The following DDX6 variants were observed in gnomAD, a reference collection of about 807,000 sequenced individuals.
DDX6 encodes DEAD-box helicase 6, also known as probable ATP-dependent RNA helicase DDX6.
DDX6 carries 7 observed loss-of-function variants against 60.6 expected under a neutral mutation model. The observed-to-expected ratio is 0.12, with a 90% CI of 0.07 to 0.22. The LOEUF (loss-of-function observed/expected upper bound fraction) is 0.22, where lower values mean the gene tolerates loss of function less well. DDX6 is among the 10% of genes least tolerant of loss of function. The pLI, the probability that DDX6 is intolerant of heterozygous loss-of-function variation, is 1.00. For missense variants in DDX6, 270 were observed against 589.9 expected, an observed-to-expected ratio of 0.46 and a Z score of 5.62; for synonymous variants, 207 against 201.0, an observed-to-expected ratio of 1.03 and a Z score of -0.25.
chr11:118,768,395 A>G, intron 4 of DDX6, 43 bp from the exon 5 acceptor site: 1 of 1,603,186 alleles, frequency 6.2e-7, no homozygotes, highest in Non-Finnish European at 8.5e-7. Flanking sequence ...TGAATGTAGT[A>G]CACAAGCAAA....
intron 2 of DDX6, among the ~76,000 whole-genome samples, chr11:118,782,657 T>C (rs1280061482): frequency 5.9e-5 from 9 of 151,976 alleles, no homozygotes; most frequent in African/African-American, 2.2e-4. Context: ...TTTTTTTTTT[T>C]TTCTGAGATG....
chr11:118,755,492 G>A lies in DDX6; in HGVS notation c.1186C>T (p.Arg396Ter), dbSNP rs1555158525. The A allele has an allele frequency of 1.9e-6, 3 of 1,585,688 alleles. No individual in the cohort carries two copies. The highest frequency in any genetic ancestry group is 8.6e-7 in the Non-Finnish European group (1 of 1,158,164). ...RNLVCTDLFT[R>*]GIDIQAVNVV... is the part of the protein sequence containing the mutation. Reference sequence around the variant, plus strand: ...TTCACAGCTTGTATATCAATACCTCGGGTAAACAGATCTTAAAAAAAAAAA... The same window carrying A: ...TTCACAGCTTGTATATCAATACCTCAGGTAAACAGATCTTAAAAAAAAAAA... The change falls in exon 12 of 14, where the codon CGA becomes TGA. Residue 396 changes from arginine (R) to a stop codon, truncating the protein, a stop_gained. Coordinates refer to ENST00000534980, the MANE Select transcript of DDX6 (RefSeq NM_004397.6). LOFTEE classifies it high-confidence loss of function.
chr11:118,750,020 G>C lies in DDX6; in HGVS notation c.*2085C>G, dbSNP rs1014131207. ...TTGATCTCCAAGGAATTGTGGGTGA[G>C]TCGCAAATAGTTTGCTCAGAAGTAG... On this transcript the variant is annotated 3_prime_UTR_variant, in exon 14 of 14. Transcript: ENST00000534980. 3.3e-5 allele frequency: 5 copies of C among 152,596 alleles called. No homozygotes were observed. Among genetic ancestry groups the C allele is most frequent in the Admixed American group, 6.5e-5 (1 of 15,268 alleles). The allele number at this position is 152,596 out of a possible 1,614,324, so 9.5% of individuals were successfully genotyped here.
intron 4 of DDX6, among the ~76,000 whole-genome samples, chr11:118,777,467 C>A (rs1381637268): frequency 6.6e-6 from 1 of 152,132 alleles, no homozygotes; most frequent in Non-Finnish European, 1.5e-5. Flanking sequence ...GACCAAGTAG[C>A]AAACAGGGTA....
intron 13 of DDX6, among the ~76,000 whole-genome samples, chr11:118,752,786 T>C (rs889489034): frequency 6.6e-6 from 1 of 151,882 alleles, no homozygotes; most frequent in Admixed American, 6.6e-5. Flanking sequence ...TAGAGCCCAA[T>C]AGTCACCAAA....
intron 2 of DDX6, among the ~76,000 whole-genome samples, chr11:118,784,785 CTT>C (rs1429196410): frequency 1.3e-5 from 2 of 150,044 alleles, no homozygotes; most frequent in African/African-American, 4.9e-5. Context: ...GAGTTTCGCT[CTT>C]GTTGCCCAAG....
intron 4 of DDX6, among the ~76,000 whole-genome samples, chr11:118,776,476 G>A (rs1454176924): frequency 6.6e-6 from 1 of 152,084 alleles, no homozygotes; most frequent in Non-Finnish European, 1.5e-5. Context: ...ATAAGCACAG[G>A]CACTATGCTA....
rs1168420875 is a variant in DDX6, at chr11:118,749,165, C to T, written c.*2940G>A. 6.6e-6 allele frequency: 1 copy of T among 151,944 alleles called. No individual in the cohort carries two copies. The highest frequency in any genetic ancestry group is 1.5e-5 in the Non-Finnish European group (1 of 67,986). The allele number at this position is 151,944 out of a possible 1,614,324, so 9.4% of individuals were successfully genotyped here. A position where few individuals can be genotyped will look rare whatever the true frequency, so the allele number is the denominator to read the frequency against. On this transcript the variant is annotated 3_prime_UTR_variant, in exon 14 of 14. Transcript: ENST00000534980. ...GTGTGTAACAGTCCATAGCCCATTA[C>T]ACAACTGTACAACCAAAGGCTAAAT...
chr11:118,761,367 A>G (rs1329310416), intron 7 of DDX6, among the ~76,000 whole-genome samples: 1 of 152,254 alleles, frequency 6.6e-6, no homozygotes, highest in Non-Finnish European at 1.5e-5. Flanking sequence ...CTGTAATCCC[A>G]GCACTCTGGG....
chr11:118,754,717 G>T lies in DDX6; in HGVS notation c.1447C>A (p.Pro483Thr), dbSNP rs782468835. 1 of 1,605,930 alleles carries T rather than the reference G, an allele frequency of 6.2e-7. No individual in the cohort carries two copies. Among genetic ancestry groups the T allele is most frequent in the South Asian group, 1.1e-5 (1 of 89,004 alleles). ...GTCAGGGACGTACATGCTTGTTAAGGTTTCTCATCTTCTACAGGCTCGCTG... is the reference window on the plus strand; with the variant it reads ...GTCAGGGACGTACATGCTTGTTAAGTTTTCTCATCTTCTACAGGCTCGCTG... ...YHSEPVEDEKP is the reference protein window; with the variant it reads ...YHSEPVEDEKT The change falls in exon 13 of 14, where the codon CCT (proline) becomes ACT (threonine). Residue 483 changes from proline to threonine, a missense_variant. Around this residue, in one of 8 missense-constraint regions of DDX6, gnomAD observed 34 missense variants for 59.4 expected, o/e 0.57. Coordinates refer to ENST00000534980, the MANE Select transcript of DDX6 (RefSeq NM_004397.6).
At chr11:118,754,993 A>AGAAC in intron 12 of DDX6, 106 bp from the exon 13 acceptor site, 3 of 999,918 alleles carry the variant, frequency 3.0e-6, no homozygotes, top group Non-Finnish European at 4.3e-6. Flanking sequence ...AATGATGTTC[A>AGAAC]GTGCCATTCT....
intron 4 of DDX6, among the ~76,000 whole-genome samples, chr11:118,779,137 C>T (rs1331525152): frequency 9.7e-6 from 1 of 102,800 alleles, no homozygotes; most frequent in African/African-American, 4.0e-5. Context: ...GCCTGGGTGA[C>T]AGGGCAAGAC....
rs573856319 is a variant in DDX6, at chr11:118,776,854, A to G, written c.369+2778T>C. Among the ~76,000 whole-genome samples, 6 of 152,026 alleles carry G rather than the reference A, an allele frequency of 3.9e-5. No individual in the cohort carries two copies. The East Asian group carries it at 1.2e-3, about 29-fold the overall frequency. ...CTCAAAAAAAAAAAAAAGAAAGAAAAAAAAAGACTTCAGTGTAGATAAAAT... is the reference window on the plus strand; with the variant it reads ...CTCAAAAAAAAAAAAAAGAAAGAAAGAAAAAGACTTCAGTGTAGATAAAAT... On this transcript the variant is annotated intron_variant, in intron 4 of 13. Transcript: ENST00000534980.
Position 118,754,889 on chromosome 11 carries a change from T to TA in DDX6, c.1277-3dup. On this transcript the variant is annotated splice_region_variant and splice_polypyrimidine_tract_variant and intron_variant, in intron 12 of 13. Transcript: ENST00000534980. ...CTAAGCCAAGATGACCAAAGCGACC[T>TA]AAAAAACATGCGTTTAAAAATTTTA... 1 of 1,591,020 alleles carries TA rather than the reference T, an allele frequency of 6.3e-7. No homozygotes were observed. The highest frequency in any genetic ancestry group is 8.5e-7 in the Non-Finnish European group (1 of 1,173,852).
At chr11:118,785,508 CT>C (rs397938089) in intron 2 of DDX6, among the ~76,000 whole-genome samples, 738 of 142,666 alleles carry the variant, frequency 5.2e-3, no homozygotes, top group South Asian at 0.019. Flanking sequence ...AACCAGCCAA[CT>C]TTTTTTTTTT....
rs538001978 is a variant in DDX6 at position 118,754,894 on chromosome 11, A to C, written c.1277-7T>G. ...CCAAGATGACCAAAGCGACCTAAAAAACATGCGTTTAAAAATTTTAATGAA... is the reference window on the plus strand; with the variant it reads ...CCAAGATGACCAAAGCGACCTAAAACACATGCGTTTAAAAATTTTAATGAA... On this transcript the variant is annotated splice_polypyrimidine_tract_variant and splice_region_variant and intron_variant, in intron 12 of 13. Coordinates refer to ENST00000534980, the MANE Select transcript of DDX6 (RefSeq NM_004397.6). The C allele has an allele frequency of 1.6e-5, 25 of 1,589,804 alleles. No homozygotes were observed. In the East Asian group the frequency reaches 4.5e-4, roughly 28 times the overall value.
intron 4 of DDX6, among the ~76,000 whole-genome samples, chr11:118,771,187 T>A (rs1555162508): frequency 1.2e-4 from 19 of 152,328 alleles, no homozygotes; most frequent in Non-Finnish European, 1.5e-5. Flanking sequence ...AAAAGTAAGA[T>A]AGGTGGTCTC....
chr11:118,748,668 G>C lies in DDX6; in HGVS notation c.*3437C>G, dbSNP rs1860642658. ...TAAAGGCAGTTTCTGATGAGGTTAT[G>C]AGCTTCCAAAGTGTTTCTAAATCCT... On this transcript the variant is annotated 3_prime_UTR_variant, in exon 14 of 14. Coordinates refer to ENST00000534980, the MANE Select transcript of DDX6 (RefSeq NM_004397.6). 6.6e-6 allele frequency: 1 copy of C among 151,958 alleles called. No homozygotes were observed. Among genetic ancestry groups the C allele is most frequent in the African/African-American group, 2.4e-5 (1 of 41,348 alleles). The allele number at this position is 151,958 out of a possible 1,614,324, so 9.4% of individuals were successfully genotyped here.
chr11:118,791,076 TC>T, intron 1 of DDX6, 21 bp downstream of exon 1: 1 of 136,410 alleles, frequency 7.3e-6, no homozygotes, highest in South Asian at 2.6e-4. Flanking sequence ...AGCCGCCGGC[TC>T]CCCCGGCTGT....
Sources: allele counts gnomAD v4.1 joint callset (sites outside exome capture counted in the v4.1 genomes callset), GRCh38; gene constraint gnomAD v4.1.1; regional missense constraint gnomAD v4.1.1; transcripts MANE v1.5; gene names NCBI Gene and HGNC (gene_info 2026-07-23, HGNC 2026-07-21).